The following ARAP3 variants were observed in gnomAD, a reference collection of about 807,000 sequenced individuals.
ARAP3 encodes the protein arf-GAP with Rho-GAP domain, ANK repeat and PH domain-containing protein 3.
ARAP3 carries 82 observed loss-of-function variants against 169.2 expected under a neutral mutation model. The ratio of observed to expected loss-of-function variants is 0.48; its 90% CI spans 0.41 to 0.58. The LOEUF is 0.58. Among genes scored for constraint, ARAP3 ranks in the 20% least tolerant of loss-of-function variants. The pLI is 0.00. For synonymous variants in ARAP3, 791 were observed against 800.3 expected, an observed-to-expected ratio of 0.99 and a Z score of 0.20; for missense variants, 1,764 against 2,018.0, an observed-to-expected ratio of 0.87 and a Z score of 2.41.
rs1486772379 is a variant in ARAP3, at chr5:141,653,457, C to T, written c.*493G>A. On this transcript the variant is annotated 3_prime_UTR_variant, in exon 33 of 33. Coordinates refer to ENST00000239440, the MANE Select transcript of ARAP3 (RefSeq NM_022481.6). ...CTCATCTATTTTTGACTCCCCGAGT[C>T]CCAGCTCCCAAACTCGCTCTCCCTA... The T allele has an allele frequency of 6.5e-6, 1 of 153,022 alleles. No homozygotes were observed. Among genetic ancestry groups the T allele is most frequent in the African/African-American group, 2.4e-5 (1 of 41,458 alleles). 9.5% of individuals were successfully genotyped at this position (153,022 alleles called of 1,614,324 possible). A position where few individuals can be genotyped will look rare whatever the true frequency, so the allele number is the denominator to read the frequency against.
Position 141,659,765 on chromosome 5 carries a change from C to A in ARAP3, c.3267+14G>T. ...GGGAAAGGGGTTGTGGGTTAGGGGTCAGGAAAGCCTTACATCAAAGACAGA... is the reference window on the plus strand; with the variant it reads ...GGGAAAGGGGTTGTGGGTTAGGGGTAAGGAAAGCCTTACATCAAAGACAGA... On this transcript the variant is annotated intron_variant, in intron 22 of 32. Coordinates refer to ENST00000239440, the MANE Select transcript of ARAP3 (RefSeq NM_022481.6). 1.2e-6 allele frequency: 2 copies of A among 1,606,168 alleles called. No individual in the cohort carries two copies. Among genetic ancestry groups the A allele is most frequent in the Non-Finnish European group, 1.7e-6 (2 of 1,174,264 alleles).
chr5:141,655,256 ACACC>A lies in ARAP3; in HGVS notation c.4149+102_4149+105del, dbSNP rs149925932. On this transcript the variant is annotated intron_variant, in intron 32 of 32. Coordinates refer to ENST00000239440, the MANE Select transcript of ARAP3 (RefSeq NM_022481.6). ...CACACACACACACACACACACACAC[ACACC>A]CCCTGATGGCCTACATGAGGAAAAC... is the stretch of plus-strand genomic sequence containing the variant. 1.9e-3 allele frequency: 2,141 copies of A among 1,148,882 alleles called. 69 individuals are homozygous for A. In the African/African-American group the frequency reaches 0.031, roughly 16 times the overall value. The allele number at this position is 1,148,882 out of a possible 1,614,324, so 71.2% of individuals were successfully genotyped here.
rs778940286 is a variant in ARAP3, at chr5:141,671,233, T to C, written c.1990+32A>G. On this transcript the variant is annotated intron_variant, in intron 13 of 32. Transcript: ENST00000239440. This position sits in a 1 kb window ranked among gnomAD's most constrained non-coding sequence, Gnocchi z 4.9. The stretch of plus-strand genomic sequence containing the variant: ...CATAGGTTGGGTCTGAGAATTCCTG[T>C]AGGGGAGAGAGGAGGCACTTGGGGG... The C allele has an allele frequency of 6.4e-7, 1 of 1,565,178 alleles. No individual in the cohort carries two copies. The highest frequency in any genetic ancestry group is 8.7e-7 in the Non-Finnish European group (1 of 1,154,826).
Position 141,669,777 on chromosome 5 carries a change from C to T in ARAP3, c.2284G>A (p.Gly762Arg). Residue 762 changes from glycine to arginine, a missense_variant, in exon 16 of 33, where the codon GGG becomes AGG. By Grantham distance (125) the Gly-to-Arg change is moderately radical (BLOSUM62 -2). Coordinates refer to ENST00000239440, the MANE Select transcript of ARAP3 (RefSeq NM_022481.6). ...PFSFELILAG[G>R]RIQHFGTDGA... ...TCTGTGCCAAAATGCTGGATCCTCC[C>T]CCCAGCGAGGATGAGCTCAAAGGAA... 1 of 1,614,104 alleles carries T rather than the reference C, an allele frequency of 6.2e-7. No individual in the cohort carries two copies. Among genetic ancestry groups the T allele is most frequent in the Non-Finnish European group, 8.5e-7 (1 of 1,179,990 alleles).
At chr5:141,679,219 G>C (rs1302305864) in intron 4 of ARAP3, among the ~76,000 whole-genome samples, 1 of 152,154 alleles carries the variant, frequency 6.6e-6, no homozygotes, top group Non-Finnish European at 1.5e-5. Context: ...AACCCAGGAG[G>C]GGGAGGTTGC....
At chr5:141,677,656 G>A (rs2099912363) in intron 4 of ARAP3, among the ~76,000 whole-genome samples, 1 of 152,064 alleles carries the variant, frequency 6.6e-6, no homozygotes. Flanking sequence ...AGCAACCAGG[G>A]GGATCCCTTT....
rs1239543237 is a variant in ARAP3 at position 141,656,204 on chromosome 5, G to A, written c.3862C>T (p.Pro1288Ser). The A allele has an allele frequency of 1.9e-6, 3 of 1,614,104 alleles. No homozygotes were observed. Among genetic ancestry groups the A allele is most frequent in the South Asian group, 1.1e-5 (1 of 91,084 alleles). ...GGGAAGAAAACTCACGGTGTTGGGG[G>A]CTTTAACTTCTTGCGGATTCCCAGG... ...VYLGIRKKLK[P>S]PTPWGFTLIL... The change falls in exon 28 of 33, where the codon CCC (proline) becomes TCC (serine). Residue 1288 changes from proline (P) to serine (S), a missense_variant. Coordinates refer to ENST00000239440, the MANE Select transcript of ARAP3 (RefSeq NM_022481.6).
At position 141,672,094 on chromosome 5, in the gene ARAP3, T is replaced by C; in HGVS notation, c.1585+8A>G. On this transcript the variant is annotated splice_region_variant and intron_variant, in intron 10 of 32. Transcript: ENST00000239440. The surrounding 1 kb of genome is among the most constrained non-coding windows in gnomAD (Gnocchi z 4.9). ...TGTTCCCCACATGGGCTTGAGGCCA[T>C]TCCTCACCTGCACACTGCTTGCAGA... is the stretch of plus-strand genomic sequence containing the variant. The C allele has an allele frequency of 9.3e-6, 15 of 1,614,128 alleles. No individual in the cohort carries two copies. The highest frequency in any genetic ancestry group is 1.3e-5 in the Non-Finnish European group (15 of 1,179,998).
chr5:141,660,389 G>A (rs1250450652), intron 21 of ARAP3, among the ~76,000 whole-genome samples: 1 of 151,542 alleles, frequency 6.6e-6, no homozygotes, highest in Non-Finnish European at 1.5e-5. Context: ...AGCTACTCGG[G>A]AGGCTGAGGC....
chr5:141,668,114 C>T (rs554202851), intron 16 of ARAP3, among the ~76,000 whole-genome samples: 251 of 151,614 alleles, frequency 1.7e-3, no homozygotes, highest in Non-Finnish European at 2.7e-3. Context: ...GAATACAACC[C>T]GACCCGCTTT....
chr5:141,656,911 C>A, intron 25 of ARAP3, 65 bp from the exon 26 acceptor site: 1 of 1,538,706 alleles, frequency 6.5e-7, no homozygotes, highest in East Asian at 2.3e-5. Context: ...CCAGCTCTCA[C>A]CAGTCATTCA....
intron 16 of ARAP3, among the ~76,000 whole-genome samples, chr5:141,667,190 C>A (rs2099910766): frequency 6.6e-6 from 1 of 151,976 alleles, no homozygotes; most frequent in South Asian, 2.1e-4. Context: ...CCACTGCGCC[C>A]AGCCAAAAAG....
At chr5:141,677,402 A>T (rs951332981) in intron 4 of ARAP3, among the ~76,000 whole-genome samples, 1 of 152,236 alleles carries the variant, frequency 6.6e-6, no homozygotes, top group African/African-American at 2.4e-5. Context: ...CAGTAGTCAC[A>T]TGTGGCTAAT....
chr5:141,662,896 G>GT (rs1447515310), intron 19 of ARAP3, among the ~76,000 whole-genome samples: 1 of 152,128 alleles, frequency 6.6e-6, no homozygotes, highest in Non-Finnish European at 1.5e-5. Context: ...CTTGAGTTCA[G>GT]TGTTAACAAA....
intron 17 of ARAP3, among the ~76,000 whole-genome samples, chr5:141,666,058 T>TA (rs1562412697): frequency 1.9e-5 from 2 of 107,216 alleles, no homozygotes; most frequent in East Asian, 3.6e-4. Context: ...AAAAAAATAA[T>TA]AATAATAATA....
rs2099911594 is a variant in ARAP3 at position 141,672,578 on chromosome 5, G to T, written c.1359C>A (p.Asp453Glu). The change falls in exon 9 of 33, where the codon GAC (aspartate) becomes GAA (glutamate). Residue 453 changes from aspartate to glutamate, a missense_variant. Transcript: ENST00000239440. This position sits in a 1 kb window ranked among gnomAD's most constrained non-coding sequence, Gnocchi z 4.9. ...TGAAGCAGCGATGGGGTGTGAGCAG[G>T]TCAAAGCTTCGACTCTTGGTCTCCC... The part of the protein sequence containing the change: ...SVRETKSRSF[D>E]LLTPHRCFSF... The T allele has an allele frequency of 1.9e-6, 3 of 1,614,164 alleles. No homozygotes were observed. The highest frequency in any genetic ancestry group is 2.5e-6 in the Non-Finnish European group (3 of 1,180,010).
chr5:141,673,302 C>A, intron 6 of ARAP3, 99 bp downstream of exon 6: 1 of 1,556,584 alleles, frequency 6.4e-7, no homozygotes, highest in Non-Finnish European at 8.8e-7. Flanking sequence ...GTCACTGCCC[C>A]GCCCACACAC....
chr5:141,672,470 C>G lies in ARAP3; in HGVS notation c.1385+82G>C. On this transcript the variant is annotated intron_variant, in intron 9 of 32. Transcript: ENST00000239440. This position sits in a 1 kb window ranked among gnomAD's most constrained non-coding sequence, Gnocchi z 4.9. ...TCTGTGCATACCCTCTGACGTCCTA[C>G]TAAAGAGGCCTCTAGTCCTCTGCAC... is the stretch of plus-strand genomic sequence containing the variant. 1 of 1,526,892 alleles carries G rather than the reference C, an allele frequency of 6.5e-7. No individual in the cohort carries two copies. Among genetic ancestry groups the G allele is most frequent in the Admixed American group, 1.9e-5 (1 of 52,740 alleles). The allele number at this position is 1,526,892 out of a possible 1,614,324, so 94.6% of individuals were successfully genotyped here.
chr5:141,674,727 C>G (rs1036033466), intron 4 of ARAP3, among the ~76,000 whole-genome samples: 1 of 150,806 alleles, frequency 6.6e-6, no homozygotes, highest in Non-Finnish European at 1.5e-5. Flanking sequence ...GTAGATGGCT[C>G]CCTGTCATGG....
Sources: allele counts gnomAD v4.1 joint callset (sites outside exome capture counted in the v4.1 genomes callset), GRCh38; gene constraint gnomAD v4.1.1; non-coding constraint Gnocchi (gnomAD v3.1); transcripts MANE v1.5; gene names NCBI Gene and HGNC (gene_info 2026-07-23, HGNC 2026-07-21).